Variants in SPMAP2L observed in about 807,000 individuals in gnomAD.
SPMAP2L encodes the protein sperm microtubule associated protein 2 like.
chr4:56,531,196 T>C, the SPMAP2L span: 4 of 1,498,602 alleles, frequency 2.7e-6, no homozygotes, highest in African/African-American at 5.5e-5. Context: ...CCTCGTCCCC[T>C]CTCCTGCTTC....
chr4:56,575,584 A>G, the SPMAP2L span: 23 of 1,535,454 alleles, frequency 1.5e-5, no homozygotes, highest in Admixed American at 1.2e-4. Context: ...ACAACCCTCC[A>G]AAAGGATCCA....
chr4:56,581,054 A>G, the SPMAP2L span, among the ~76,000 whole-genome samples: 45,223 of 151,990 alleles, frequency 0.3, 9,546 homozygotes, highest in African/African-American at 0.59. Flanking sequence ...GAAGTACCAA[A>G]AATAGTCAAA....
the SPMAP2L span, among the ~76,000 whole-genome samples, chr4:56,603,842 T>C: frequency 2.6e-5 from 4 of 152,328 alleles, no homozygotes; most frequent in African/African-American, 9.6e-5. Context: ...AGTCTATAAA[T>C]ACAATTTATA....
the SPMAP2L span, among the ~76,000 whole-genome samples, chr4:56,550,215 T>C: frequency 6.6e-6 from 1 of 152,172 alleles, no homozygotes. Flanking sequence ...CCCAAATTCC[T>C]GGCCTCAGGT....
the SPMAP2L span, chr4:56,603,397 C>T: frequency 2.6e-4 from 280 of 1,077,938 alleles, no homozygotes; most frequent in East Asian, 1.8e-3. Flanking sequence ...TTCCCTGTTG[C>T]GGTACTGTCA....
At chr4:56,592,095 C>G in the SPMAP2L span, among the ~76,000 whole-genome samples, 912 of 152,268 alleles carry the variant, frequency 6.0e-3, 8 homozygotes, top group East Asian at 0.035. Flanking sequence ...TTCCACCTCC[C>G]GTCAGATCAG....
At chr4:56,581,311 C>T in the SPMAP2L span, among the ~76,000 whole-genome samples, 1 of 152,010 alleles carries the variant, frequency 6.6e-6, no homozygotes, top group Non-Finnish European at 1.5e-5. Context: ...AAAAATTAGC[C>T]AGGAGTGGTG....
the SPMAP2L span, among the ~76,000 whole-genome samples, chr4:56,575,916 C>T: frequency 6.6e-6 from 1 of 152,188 alleles, no homozygotes; most frequent in South Asian, 2.1e-4. Flanking sequence ...TAAAACACCA[C>T]AGGTTTTTGC....
the SPMAP2L span, chr4:56,594,678 G>A: frequency 2.0e-5 from 26 of 1,306,760 alleles, no homozygotes; most frequent in East Asian, 6.0e-4. Context: ...GATAAATGTG[G>A]GAATATCAAT....
the SPMAP2L span, among the ~76,000 whole-genome samples, chr4:56,581,799 AT>A: frequency 2.0e-5 from 3 of 152,196 alleles, no homozygotes; most frequent in Non-Finnish European, 4.4e-5. Context: ...AATTAAGACA[AT>A]TTGTTACAGG....
the SPMAP2L span, among the ~76,000 whole-genome samples, chr4:56,538,606 C>T: frequency 6.6e-6 from 1 of 152,154 alleles, no homozygotes; most frequent in Admixed American, 6.5e-5. Context: ...AGTTCAAGAC[C>T]AGCCTGGCCA....
chr4:56,574,172 C>T, the SPMAP2L span, among the ~76,000 whole-genome samples: 1 of 152,108 alleles, frequency 6.6e-6, no homozygotes, highest in African/African-American at 2.4e-5. Context: ...GTAATCCCAG[C>T]ACTCTGGGAG....
At chr4:56,564,923 C>G in the SPMAP2L span, among the ~76,000 whole-genome samples, 1 of 152,034 alleles carries the variant, frequency 6.6e-6, no homozygotes, top group Non-Finnish European at 1.5e-5. Flanking sequence ...ATGTTTGAGC[C>G]ATGGATATTA....
the SPMAP2L span, among the ~76,000 whole-genome samples, chr4:56,608,175 GT>G: frequency 1.3e-5 from 2 of 152,140 alleles, no homozygotes; most frequent in Non-Finnish European, 2.9e-5. Flanking sequence ...TGCAGGAGAA[GT>G]CTCTAAGCAA....
At chr4:56,607,817 A>G in the SPMAP2L span, among the ~76,000 whole-genome samples, 1 of 151,918 alleles carries the variant, frequency 6.6e-6, no homozygotes, top group Non-Finnish European at 1.5e-5. Flanking sequence ...GGGACACCCC[A>G]TTTTTATTTA....
the SPMAP2L span, among the ~76,000 whole-genome samples, chr4:56,561,981 C>T: frequency 6.6e-6 from 1 of 152,114 alleles, no homozygotes; most frequent in Admixed American, 6.5e-5. Context: ...GCCTCGGCCT[C>T]CCAAAGTGCT....
At chr4:56,537,070 T>G in the SPMAP2L span, among the ~76,000 whole-genome samples, 1 of 152,032 alleles carries the variant, frequency 6.6e-6, no homozygotes, top group Non-Finnish European at 1.5e-5. Flanking sequence ...GGCCAATGTA[T>G]TAGTATTATT....
At chr4:56,530,818 G>A in the SPMAP2L span, 4 of 1,535,364 alleles carry the variant, frequency 2.6e-6, no homozygotes, top group South Asian at 4.8e-5. Context: ...AGAGCTTGAG[G>A]AGTCCGAGGA....
the SPMAP2L span, chr4:56,559,449 G>A: frequency 6.5e-7 from 1 of 1,531,866 alleles, no homozygotes; most frequent in Non-Finnish European, 8.7e-7. Flanking sequence ...GTGCTTTGAA[G>A]GCTCAGCTGA....
Sources: allele counts gnomAD v4.1 joint callset (sites outside exome capture counted in the v4.1 genomes callset), GRCh38; gene constraint gnomAD v4.1.1; transcripts MANE v1.5; gene names NCBI Gene and HGNC (gene_info 2026-07-23, HGNC 2026-07-21).